PPP3CA: variants seen among roughly 807,000 people sequenced by gnomAD.
PPP3CA encodes the protein CAM-PRP catalytic subunit.
In PPP3CA, 14 loss-of-function variants were observed where a neutral mutation model predicts 66.5. The observed-to-expected ratio is 0.21, with a 90% CI of 0.14 to 0.33. The LOEUF is 0.33. PPP3CA is among the 10% of genes least tolerant of loss of function. The probability of loss-of-function intolerance (pLI) is 1.00; values close to 1 mark genes in which losing one functional copy is unlikely to be tolerated. For synonymous variants in PPP3CA, 232 were observed against 226.2 expected (o/e 1.03, Z -0.23); for missense variants, 317 against 639.5 (o/e 0.50, Z 5.44).
chr4:101,249,748 T>C (rs1479718557), intron 1 of PPP3CA, among the ~76,000 whole-genome samples: 1 of 152,138 alleles, frequency 6.6e-6, no homozygotes, highest in East Asian at 1.9e-4. Context: ...ACCAACAACA[T>C]TATATTATCA....
intron 1 of PPP3CA, among the ~76,000 whole-genome samples, chr4:101,280,858 C>T (rs1457622402): frequency 6.8e-6 from 1 of 147,120 alleles, no homozygotes; most frequent in African/African-American, 2.5e-5. Flanking sequence ...CAGTGTCATA[C>T]ATAAAAGAAG....
At chr4:101,121,549 T>A (rs1412933025) in intron 2 of PPP3CA, among the ~76,000 whole-genome samples, 1 of 152,094 alleles carries the variant, frequency 6.6e-6, no homozygotes, top group Admixed American at 6.6e-5. Context: ...AAAGTTAATA[T>A]GTCAGAACAG....
At chr4:101,164,156 A>C (rs1177010061) in intron 2 of PPP3CA, among the ~76,000 whole-genome samples, 2 of 41,254 alleles carry the variant, frequency 4.8e-5, no homozygotes, top group Non-Finnish European at 9.9e-5. Flanking sequence ...AGTCTGCTCA[A>C]ATCTCCTCTC....
intron 11 of PPP3CA, among the ~76,000 whole-genome samples, chr4:101,037,825 C>T (rs1437243969): frequency 6.6e-6 from 1 of 152,148 alleles, no homozygotes; most frequent in African/African-American, 2.4e-5. Flanking sequence ...TTTTCAGTCT[C>T]CTTTTAAACT....
chr4:101,068,876 G>A (rs552791065), intron 8 of PPP3CA, among the ~76,000 whole-genome samples: 2 of 152,244 alleles, frequency 1.3e-5, no homozygotes, highest in Admixed American at 1.3e-4. Context: ...TGAAAGTTAT[G>A]TGTTCAAGTC....
chr4:101,035,608 A>G (rs1040184180), intron 11 of PPP3CA, among the ~76,000 whole-genome samples: 37 of 152,298 alleles, frequency 2.4e-4, no homozygotes, highest in African/African-American at 8.4e-4. Flanking sequence ...TGAAGATTAA[A>G]TGATACACTG....
At position 101,341,482 on chromosome 4, in the gene PPP3CA, C is replaced by T. The variant is rs183413823; in HGVS notation, c.58+5257G>A. On this transcript the variant is annotated intron_variant, in intron 1 of 13. Transcript: ENST00000394854. ...CCCAAGGCACTCATGGCTTTCAATG[C>T]TAATGGTTCTGACTATTCTCAGGTG... Among the ~76,000 whole-genome samples, 83 of 152,254 alleles carry T rather than the reference C, an allele frequency of 5.5e-4. 1 individual carries two copies. The highest frequency in any genetic ancestry group is 1.8e-3 in the African/African-American group (76 of 41,546).
chr4:101,120,731 G>A (rs1721999718), intron 2 of PPP3CA, among the ~76,000 whole-genome samples: 1 of 151,978 alleles, frequency 6.6e-6, no homozygotes, highest in Non-Finnish European at 1.5e-5. Flanking sequence ...CAGGACTAAT[G>A]TTCAATTGAA....
At chr4:101,249,139 C>T (rs935259012) in intron 1 of PPP3CA, among the ~76,000 whole-genome samples, 3 of 150,532 alleles carry the variant, frequency 2.0e-5, no homozygotes, top group Admixed American at 1.3e-4. Flanking sequence ...TGCAGTCCGG[C>T]CTGGGCGACA....
chr4:101,326,147 G>A lies in PPP3CA; in HGVS notation c.58+20592C>T, dbSNP rs376764561. Among the ~76,000 whole-genome samples the A allele has an allele frequency of 1.4e-4, 22 of 152,162 alleles. No individual in the cohort carries two copies. The East Asian group carries it at 3.1e-3, about 21-fold the overall frequency. ...TGAGACTCTGTCTCCAAAAAAGGAA[G>A]GAGGGAATAAAGGAAATGTAATAAA... On this transcript the variant is annotated intron_variant, in intron 1 of 13. Coordinates refer to ENST00000394854, the MANE Select transcript of PPP3CA (RefSeq NM_000944.5).
At chr4:101,094,568 C>A (rs1475897793) in intron 5 of PPP3CA, among the ~76,000 whole-genome samples, 18 of 152,014 alleles carry the variant, frequency 1.2e-4, no homozygotes, top group South Asian at 2.1e-4. Flanking sequence ...TTAGTGGGTA[C>A]AAATATGAGT....
At chr4:101,073,686 A>G (rs113970590) in intron 8 of PPP3CA, among the ~76,000 whole-genome samples, 2,764 of 152,312 alleles carry the variant, frequency 0.018, 90 homozygotes, top group African/African-American at 0.057. Context: ...CTTAATAATC[A>G]TTAAGAATAA....
At chr4:101,297,197 C>G (rs1728225145) in intron 1 of PPP3CA, among the ~76,000 whole-genome samples, 1 of 152,128 alleles carries the variant, frequency 6.6e-6, no homozygotes, top group Admixed American at 6.6e-5. Context: ...GACAAGTTGT[C>G]TGGGCTTCCC....
intron 1 of PPP3CA, among the ~76,000 whole-genome samples, chr4:101,283,431 G>A (rs1284658672): frequency 1.3e-5 from 2 of 152,112 alleles, no homozygotes; most frequent in Non-Finnish European, 2.9e-5. Flanking sequence ...TCTCAGGTTA[G>A]TAAAAGTTTA....
At chr4:101,239,149 T>TA (rs1281344965) in intron 1 of PPP3CA, among the ~76,000 whole-genome samples, 1 of 152,124 alleles carries the variant, frequency 6.6e-6, no homozygotes, top group Non-Finnish European at 1.5e-5. Flanking sequence ...ATATGTAACT[T>TA]AGAGTGTTCT....
chr4:101,027,887 C>A (rs1246402644), intron 13 of PPP3CA, among the ~76,000 whole-genome samples: 1 of 152,102 alleles, frequency 6.6e-6, no homozygotes, highest in African/African-American at 2.4e-5. Context: ...GCTGGTCAGA[C>A]AATGGGTATT....
chr4:101,142,464 T>G (rs2110292443), intron 2 of PPP3CA, among the ~76,000 whole-genome samples: 1 of 152,312 alleles, frequency 6.6e-6, no homozygotes, highest in East Asian at 1.9e-4. Context: ...ACAACAATAA[T>G]GATAATATCT....
At chr4:101,198,615 A>T (rs1418867602) in intron 1 of PPP3CA, among the ~76,000 whole-genome samples, 1 of 152,196 alleles carries the variant, frequency 6.6e-6, no homozygotes, top group Non-Finnish European at 1.5e-5. Context: ...TGCTGGCCTG[A>T]TTAAACTTAA....
At chr4:101,098,637 A>G in intron 4 of PPP3CA, 125 bp from the exon 5 acceptor site, 1 of 759,884 alleles carries the variant, frequency 1.3e-6, no homozygotes, top group Non-Finnish European at 2.0e-6. Flanking sequence ...ACATACTACA[A>G]AATTCCAAAA....
Sources: gnomAD v4.1 joint callset for allele counts (sites outside exome capture counted in the v4.1 genomes callset) on GRCh38, gnomAD v4.1.1 for gene constraint, MANE v1.5 for transcripts, NCBI Gene and HGNC (gene_info 2026-07-23, HGNC 2026-07-21) for gene names.